The following WHAMM variants were observed in gnomAD, a reference collection of about 807,000 sequenced individuals.
The protein encoded by WHAMM is WASP homolog associated with actin, golgi membranes and microtubules, also known as WASP homolog-associated protein with actin, membranes and microtubules.
A neutral mutation model predicts 76.5 loss-of-function variants in WHAMM; 67 were observed. The ratio of observed to expected loss-of-function variants is 0.88; its 90% CI spans 0.72 to 1.07. The LOEUF (loss-of-function observed/expected upper bound fraction) is 1.07, where lower values mean the gene tolerates loss of function less well. Among genes scored for constraint, WHAMM ranks in the 50% least tolerant of loss-of-function variants. WHAMM has a pLI of 0.00. For synonymous variants in WHAMM, 419 were observed against 422.1 expected (o/e 0.99, Z 0.09); for missense variants, 1,021 against 1,051.1 (o/e 0.97, Z 0.40).
chr15:82,816,420 A>G (rs1313108672), intron 2 of WHAMM, among the ~76,000 whole-genome samples: 4 of 152,188 alleles, frequency 2.6e-5, no homozygotes, highest in Admixed American at 2.0e-4. Context: ...TAAGTTGACA[A>G]CATTCCTCTC....
Position 82,835,160 on chromosome 15 carries a change from T to A in WHAMM, c.*1624T>A, listed in dbSNP as rs993864746. On this transcript the variant is annotated 3_prime_UTR_variant, in exon 10 of 10. Coordinates refer to ENST00000286760, the MANE Select transcript of WHAMM (RefSeq NM_001080435.3). ...TTTTTTTTTTGAGACAGAGTCTTGC[T>A]CTGTCAACCAGGCTGGAGTGCGGTG... is the stretch of plus-strand genomic sequence containing the variant. The A allele has an allele frequency of 6.6e-6, 1 of 151,578 alleles. No individual in the cohort carries two copies. The highest frequency in any genetic ancestry group is 2.4e-5 in the African/African-American group (1 of 41,204). 9.4% of individuals were successfully genotyped at this position (151,578 alleles called of 1,614,324 possible).
Position 82,830,836 on chromosome 15 carries a change from C to T in WHAMM, c.1879C>T (p.Gln627Ter). The T allele has an allele frequency of 6.3e-7, 1 of 1,597,102 alleles. No homozygotes were observed. The highest frequency in any genetic ancestry group is 8.5e-7 in the Non-Finnish European group (1 of 1,171,102). Residue 627 changes from glutamine (Q) to a stop codon, truncating the protein, a stop_gained, in exon 9 of 10, where the codon CAA becomes TAA. Transcript: ENST00000286760. LOFTEE classifies it high-confidence loss of function. Reference sequence around the variant, plus strand: ...CCAGGTTTTTGTTCCAGTTGGTGATCAAACACATTCCAAATCCAGTGAGGA... The same window carrying T: ...CCAGGTTTTTGTTCCAGTTGGTGATTAAACACATTCCAAATCCAGTGAGGA... ...PVQVFVPVGD[Q>*]THSKSSEELS...
Position 82,830,870 on chromosome 15 carries a change from T to C in WHAMM, c.1913T>C (p.Leu638Pro). ...THSKSSEELS[L>P]PPPPPPPPPP... ...TCCAAATCCAGTGAGGAATTGTCAC[T>C]GCCACCACCTCCTCCTCCTCCACCA... The change falls in exon 9 of 10, where the codon CTG (leucine) becomes CCG (proline). Residue 638 changes from leucine (L) to proline (P), a missense_variant. Transcript: ENST00000286760. The C allele has an allele frequency of 6.3e-7, 1 of 1,581,888 alleles. No individual in the cohort carries two copies. Among genetic ancestry groups the C allele is most frequent in the Non-Finnish European group, 8.6e-7 (1 of 1,163,378 alleles).
At chr15:82,822,010 AAAG>A (rs1276985871) in intron 5 of WHAMM, among the ~76,000 whole-genome samples, 1 of 152,218 alleles carries the variant, frequency 6.6e-6, no homozygotes, top group Non-Finnish European at 1.5e-5. Flanking sequence ...TACATTAAAA[AAAG>A]AAGTTAATCT....
chr15:82,815,910 G>A (rs569546763), intron 2 of WHAMM, among the ~76,000 whole-genome samples: 9 of 152,294 alleles, frequency 5.9e-5, no homozygotes, highest in African/African-American at 9.6e-5. Context: ...ACAAAGTACC[G>A]TAGATTAGTG....
Position 82,812,659 on chromosome 15 carries a change from A to T in WHAMM, c.610-444A>T, listed in dbSNP as rs572898415. Among the ~76,000 whole-genome samples the T allele has an allele frequency of 7.2e-5, 11 of 152,330 alleles. No homozygotes were observed. The South Asian group carries it at 1.9e-3, about 26-fold the overall frequency. ...GCATACTTAGTGCATAGTTGAGATTAAACTTTGCACTCTGCCTCTCCATTT... is the reference window on the plus strand; with the variant it reads ...GCATACTTAGTGCATAGTTGAGATTTAACTTTGCACTCTGCCTCTCCATTT... On this transcript the variant is annotated intron_variant, in intron 1 of 9. Coordinates refer to ENST00000286760, the MANE Select transcript of WHAMM (RefSeq NM_001080435.3).
At position 82,833,356 on chromosome 15, in the gene WHAMM, G is replaced by C. The variant is rs1296203639; in HGVS notation, c.2250G>C (p.Gly750=). 6.2e-7 allele frequency: 1 copy of C among 1,614,012 alleles called. No individual in the cohort carries two copies. The highest frequency in any genetic ancestry group is 2.2e-5 in the East Asian group (1 of 44,878). The change falls in exon 10 of 10, where the codon GGG becomes GGC. Residue 750 remains glycine, a synonymous_variant. Coordinates refer to ENST00000286760, the MANE Select transcript of WHAMM (RefSeq NM_001080435.3). Reference sequence around the variant, plus strand: ...ACATTCTGGCTGCCATAAGGCAAGGGGTCAAACTGAAGAAAGTTCACCCTG... The same window carrying C: ...ACATTCTGGCTGCCATAAGGCAAGGCGTCAAACTGAAGAAAGTTCACCCTG... ...NEHILAAIRQ[G]VKLKKVHPDL...
In WHAMM at chr15:82,810,152, G is replaced by A. The variant is rs1224120401; in HGVS notation, c.426G>A (p.Leu142=). The A allele has an allele frequency of 7.2e-7, 1 of 1,390,576 alleles. No individual in the cohort carries two copies. Among genetic ancestry groups the A allele is most frequent in the Non-Finnish European group, 9.4e-7 (1 of 1,066,722 alleles). The allele number at this position is 1,390,576 out of a possible 1,614,324, so 86.1% of individuals were successfully genotyped here. Residue 142 remains leucine (L), a synonymous_variant, in exon 1 of 10, where the codon CTG becomes CTA. Coordinates refer to ENST00000286760, the MANE Select transcript of WHAMM (RefSeq NM_001080435.3). ...GCGCGGGTCCCGGCGAGGCGGCGCTGCAGGAGCTGTGCGGGCAGCTGGAAC... is the reference window on the plus strand; with the variant it reads ...GCGCGGGTCCCGGCGAGGCGGCGCTACAGGAGCTGTGCGGGCAGCTGGAAC... ...PTRAGPGEAA[L]QELCGQLERY...
rs1158250210 is a variant in WHAMM at position 82,826,479 on chromosome 15, C to T, written c.1528C>T (p.His510Tyr). ...AGAAAGCATAAGATACTCTCGTCAGCATCACAGTATTCAGATGGTGAGTCT... is the reference window on the plus strand; with the variant it reads ...AGAAAGCATAAGATACTCTCGTCAGTATCACAGTATTCAGATGGTGAGTCT... Reference protein sequence around the residue: ...AEESIRYSRQHHSIQMKRDKI... With the variant: ...AEESIRYSRQYHSIQMKRDKI... The change falls in exon 7 of 10, where the codon CAT (histidine) becomes TAT (tyrosine). Residue 510 changes from histidine to tyrosine, a missense_variant. His to Tyr is a moderately conservative substitution (Grantham distance 83, BLOSUM62 2). Coordinates refer to ENST00000286760, the MANE Select transcript of WHAMM (RefSeq NM_001080435.3). 1 of 1,613,896 alleles carries T rather than the reference C, an allele frequency of 6.2e-7. No individual in the cohort carries two copies. Among genetic ancestry groups the T allele is most frequent in the East Asian group, 2.2e-5 (1 of 44,884 alleles).
chr15:82,810,611 T>C, intron 1 of WHAMM: 1 of 985,426 alleles, frequency 1.0e-6, no homozygotes, highest in South Asian at 4.7e-5. Flanking sequence ...GCCCTGAAGA[T>C]GCTGGCAGAG....
chr15:82,818,393 GA>G (rs1365096936), intron 4 of WHAMM, among the ~76,000 whole-genome samples: 1 of 152,112 alleles, frequency 6.6e-6, no homozygotes, highest in African/African-American at 2.4e-5. Flanking sequence ...TTTATTTTTA[GA>G]TAGCACTTTT....
chr15:82,810,695 T>C, intron 1 of WHAMM: 1 of 985,444 alleles, frequency 1.0e-6, no homozygotes, highest in Non-Finnish European at 1.2e-6. Context: ...TAGGAAAGAA[T>C]AACACGGACT....
At chr15:82,815,119 A>ATATATATG (rs1316916894) in intron 2 of WHAMM, among the ~76,000 whole-genome samples, 7 of 18,148 alleles carry the variant, frequency 3.9e-4, no homozygotes, top group African/African-American at 3.9e-3. Flanking sequence ...TTTTATATAT[A>ATATATATG]TATATATATA....
chr15:82,814,011 A>C (rs1218230406), intron 2 of WHAMM, among the ~76,000 whole-genome samples: 1 of 151,982 alleles, frequency 6.6e-6, no homozygotes, highest in Non-Finnish European at 1.5e-5. Flanking sequence ...GTTTTCCTCT[A>C]AGGACTTACG....
chr15:82,833,840 C>G lies in WHAMM; in HGVS notation c.*304C>G, dbSNP rs553171192. 5 of 286,868 alleles carry G rather than the reference C, an allele frequency of 1.7e-5. No homozygotes were observed. The South Asian group carries it at 2.1e-4, about 12-fold the overall frequency. 17.8% of individuals were successfully genotyped at this position (286,868 alleles called of 1,614,324 possible). On this transcript the variant is annotated 3_prime_UTR_variant, in exon 10 of 10. Transcript: ENST00000286760. Reference sequence around the variant, plus strand: ...CTGCAAGCTCCGCCTCCTGGGTTCACGCCATTCTCCTGCCTCAGCCTCCCG... The same window carrying G: ...CTGCAAGCTCCGCCTCCTGGGTTCAGGCCATTCTCCTGCCTCAGCCTCCCG...
intron 5 of WHAMM, among the ~76,000 whole-genome samples, chr15:82,820,250 T>C (rs1214704906): frequency 1.3e-5 from 2 of 152,224 alleles, no homozygotes; most frequent in African/African-American, 4.8e-5. Flanking sequence ...AATAGTCTCT[T>C]TTTCATTTAA....
chr15:82,811,013 A>C (rs1233995525), intron 1 of WHAMM, among the ~76,000 whole-genome samples: 1 of 152,188 alleles, frequency 6.6e-6, no homozygotes, highest in Non-Finnish European at 1.5e-5. Flanking sequence ...GTCCACACCC[A>C]CAGTTTATTA....
Position 82,830,896 on chromosome 15 carries a change from C to A in WHAMM, c.1939C>A (p.Pro647Thr), listed in dbSNP as rs764087976. Reference protein sequence around the residue: ...SLPPPPPPPPPPPPPPPPPPP... With the variant: ...SLPPPPPPPPTPPPPPPPPPP... ...GCCACCACCTCCTCCTCCTCCACCA[C>A]CACCACCGCCGCCACCGCCGCCCCC... is the stretch of plus-strand genomic sequence containing the variant. The change falls in exon 9 of 10, where the codon CCA (proline) becomes ACA (threonine). Residue 647 changes from proline (P) to threonine (T), a missense_variant. Physicochemically the swap from Pro to Thr is conservative, Grantham distance 38 (BLOSUM62 -1). Coordinates refer to ENST00000286760, the MANE Select transcript of WHAMM (RefSeq NM_001080435.3). The A allele has an allele frequency of 6.3e-7, 1 of 1,582,320 alleles. No homozygotes were observed. Among genetic ancestry groups the A allele is most frequent in the Non-Finnish European group, 8.6e-7 (1 of 1,165,418 alleles).
At position 82,813,371 on chromosome 15, in the gene WHAMM, T is replaced by C. The variant is rs2050662464; in HGVS notation, c.783+95T>C. 3.5e-6 allele frequency: 4 copies of C among 1,144,216 alleles called. No homozygotes were observed. The Admixed American group carries it at 1.0e-4, about 29-fold the overall frequency. The allele number at this position is 1,144,216 out of a possible 1,614,324, so 70.9% of individuals were successfully genotyped here. A position where few individuals can be genotyped will look rare whatever the true frequency, so the allele number is the denominator to read the frequency against. On this transcript the variant is annotated intron_variant, in intron 2 of 9. Transcript: ENST00000286760. ...TAATGTTCAATCTCTGTTTGTACTT[T>C]GTTTGGGTTTACCATTATGTTTATT... is the stretch of plus-strand genomic sequence containing the variant.
Sources: allele counts gnomAD v4.1 joint callset (sites outside exome capture counted in the v4.1 genomes callset), GRCh38; gene constraint gnomAD v4.1.1; transcripts MANE v1.5; gene names NCBI Gene and HGNC (gene_info 2026-07-23, HGNC 2026-07-21).